ZNF503: variants seen among roughly 807,000 people sequenced by gnomAD.
ZNF503 encodes zinc finger protein 503.
ZNF503 carries 15 observed loss-of-function variants against 34.4 expected under a neutral mutation model. That is an observed-to-expected ratio of 0.44 (90% confidence interval 0.29 to 0.67). The LOEUF (loss-of-function observed/expected upper bound fraction) is 0.67. Among genes scored for constraint, ZNF503 ranks in the 30% least tolerant of loss-of-function variants. The pLI is 0.13. For synonymous variants in ZNF503, 580 were observed against 456.8 expected (o/e 1.27, Z -3.44); for missense variants, 1,007 against 926.8 (o/e 1.09, Z -1.12).
downstream of ZNF503, among the ~76,000 whole-genome samples, chr10:75,395,868 G>A (rs1035847424): frequency 6.6e-6 from 1 of 152,240 alleles, no homozygotes; most frequent in African/African-American, 2.4e-5. The surrounding 1 kb of genome is among the most constrained non-coding windows in gnomAD (Gnocchi z 4.4). Flanking sequence ...ATGAAGGCAC[G>A]AACGTCCCGG....
At chr10:75,350,246 A>C in the ZNF503 span, 1 of 152,320 alleles carries the variant, frequency 6.6e-6, no homozygotes, top group African/African-American at 2.4e-5. Flanking sequence ...GTGATAAATT[A>C]ATACATTCTT....
chr10:75,333,005 G>A, the ZNF503 span, among the ~76,000 whole-genome samples: 2 of 146,132 alleles, frequency 1.4e-5, no homozygotes, highest in Non-Finnish European at 3.0e-5. Context: ...CCTCCCAGAC[G>A]GGGTGGTGGC....
chr10:75,336,306 C>T, the ZNF503 span, among the ~76,000 whole-genome samples: 1 of 149,694 alleles, frequency 6.7e-6, no homozygotes, highest in Non-Finnish European at 1.5e-5. Flanking sequence ...TTACATGTTC[C>T]AATGGAGGAC....
chr10:75,400,663 T>G (rs939950943), intron 1 of ZNF503, among the ~76,000 whole-genome samples: 1 of 152,158 alleles, frequency 6.6e-6, no homozygotes, highest in Non-Finnish European at 1.5e-5. Context: ...ATGTTTTGGT[T>G]TTCGGTTCCT....
the ZNF503 span, among the ~76,000 whole-genome samples, chr10:75,363,279 G>A: frequency 1.3e-5 from 2 of 152,250 alleles, no homozygotes; most frequent in South Asian, 4.1e-4. Flanking sequence ...GCTGTATTGT[G>A]GGTCTTTCTT....
At chr10:75,341,469 A>G in the ZNF503 span, among the ~76,000 whole-genome samples, 1 of 152,226 alleles carries the variant, frequency 6.6e-6, no homozygotes, top group Non-Finnish European at 1.5e-5. Flanking sequence ...CCTCATGTGA[A>G]TAGAACAGAC....
chr10:75,358,649 G>A, the ZNF503 span: 7,906 of 152,168 alleles, frequency 0.052, 559 homozygotes, highest in African/African-American at 0.15. Flanking sequence ...GAGCGAGTTC[G>A]TACAGTGCCA....
chr10:75,397,890 T>G lies in ZNF503; in HGVS notation c.*859A>C, dbSNP rs1384857292. On this transcript the variant is annotated 3_prime_UTR_variant, in exon 2 of 2. Transcript: ENST00000372524. ...AATTTTAATCTTTAAAGCGATACATTGTCTATTATTTTAGTACATGACGTA... is the reference window on the plus strand; with the variant it reads ...AATTTTAATCTTTAAAGCGATACATGGTCTATTATTTTAGTACATGACGTA... 1 of 152,698 alleles carries G rather than the reference T, an allele frequency of 6.5e-6. No homozygotes were observed. The highest frequency in any genetic ancestry group is 6.5e-5 in the Admixed American group (1 of 15,292). The allele number at this position is 152,698 out of a possible 1,614,324, so 9.5% of individuals were successfully genotyped here.
At chr10:75,375,993 G>A in the ZNF503 span, among the ~76,000 whole-genome samples, 1,977 of 152,282 alleles carry the variant, frequency 0.013, 39 homozygotes, top group African/African-American at 0.046. Context: ...CGGAGGTACT[G>A]CACGTCACAA....
chr10:75,279,890 C>G, the ZNF503 span: 2 of 152,182 alleles, frequency 1.3e-5, no homozygotes, highest in African/African-American at 4.8e-5. Context: ...TCTCCGATGT[C>G]TCTTTGATAA....
At position 75,399,577 on chromosome 10, in the gene ZNF503, C is replaced by A. The variant is rs944050202; in HGVS notation, c.1113G>T (p.Pro371=). ...GSLAGAYAGY[P]PQFLPHGVAL... ...CCACGCCGTGTGGCAGGAACTGGGG[C>A]GGGTAGCCGGCGTAGGCCCCGGCCA... is the stretch of plus-strand genomic sequence containing the variant. Residue 371 remains proline (P), a synonymous_variant, in exon 2 of 2, where the codon CCG becomes CCT. Coordinates refer to ENST00000372524, the MANE Select transcript of ZNF503 (RefSeq NM_032772.6). 2 of 1,596,388 alleles carry A rather than the reference C, an allele frequency of 1.3e-6. No individual in the cohort carries two copies. The highest frequency in any genetic ancestry group is 1.7e-4 in the Middle Eastern group (1 of 5,754).
chr10:75,372,551 G>T, the ZNF503 span, among the ~76,000 whole-genome samples: 1 of 152,228 alleles, frequency 6.6e-6, no homozygotes, highest in Non-Finnish European at 1.5e-5. Context: ...CCTAGGCTCA[G>T]CCTGGCCAGG....
At chr10:75,360,663 A>G in the ZNF503 span, 2 of 152,272 alleles carry the variant, frequency 1.3e-5, no homozygotes, top group African/African-American at 4.8e-5. Context: ...GTAATGTTCT[A>G]TAGAGGCCTG....
chr10:75,294,810 C>T, the ZNF503 span, among the ~76,000 whole-genome samples: 1 of 151,766 alleles, frequency 6.6e-6, no homozygotes, highest in African/African-American at 2.4e-5. Context: ...GGAGGGCGCG[C>T]GGAGGGGGTG....
chr10:75,321,448 T>A, the ZNF503 span, among the ~76,000 whole-genome samples: 2 of 152,076 alleles, frequency 1.3e-5, no homozygotes, highest in Non-Finnish European at 2.9e-5. Context: ...AGTTTGGAAG[T>A]CTCAGAAGGA....
At chr10:75,308,195 C>CATTTT in the ZNF503 span, among the ~76,000 whole-genome samples, 1 of 133,258 alleles carries the variant, frequency 7.5e-6, no homozygotes, top group African/African-American at 2.8e-5. Flanking sequence ...GACAATACAT[C>CATTTT]TTTTTTTTTT....
At chr10:75,318,854 A>G in the ZNF503 span, among the ~76,000 whole-genome samples, 1 of 151,892 alleles carries the variant, frequency 6.6e-6, no homozygotes, top group Non-Finnish European at 1.5e-5. Flanking sequence ...CCTCTTTTTA[A>G]AATCTTCCCT....
At chr10:75,286,048 C>T in the ZNF503 span, among the ~76,000 whole-genome samples, 22 of 152,138 alleles carry the variant, frequency 1.4e-4, no homozygotes, top group African/African-American at 4.6e-4. Flanking sequence ...TTTGGGAGGC[C>T]GAGGCAGGTG....
chr10:75,364,599 A>G, the ZNF503 span, among the ~76,000 whole-genome samples: 2 of 152,138 alleles, frequency 1.3e-5, no homozygotes, highest in Non-Finnish European at 2.9e-5. Flanking sequence ...AAAGTAATAC[A>G]AAGTCCAGAA....
Sources: allele counts gnomAD v4.1 joint callset (sites outside exome capture counted in the v4.1 genomes callset), GRCh38; gene constraint gnomAD v4.1.1; non-coding constraint Gnocchi (gnomAD v3.1); transcripts MANE v1.5; gene names NCBI Gene and HGNC (gene_info 2026-07-23, HGNC 2026-07-21).